UQCC1: variants seen among roughly 807,000 people sequenced by gnomAD.
The protein encoded by UQCC1 is bFGF-repressed Zic-binding protein.
A neutral mutation model predicts 48.0 loss-of-function variants in UQCC1; 38 were observed. The ratio of observed to expected loss-of-function variants is 0.79; its 90% CI spans 0.61 to 1.04. The LOEUF (loss-of-function observed/expected upper bound fraction) is 1.04. Among genes scored for constraint, UQCC1 ranks in the 50% least tolerant of loss-of-function variants. The pLI, the probability that UQCC1 is intolerant of heterozygous loss-of-function variation, is 0.00. For synonymous variants in UQCC1, 111 were observed against 129.2 expected (o/e 0.86, Z 0.95); for missense variants, 368 against 381.8 (o/e 0.96, Z 0.30).
chr20:35,351,891 A>G (rs1353067477), intron 6 of UQCC1, among the ~76,000 whole-genome samples: 3 of 152,252 alleles, frequency 2.0e-5, no homozygotes, highest in Non-Finnish European at 4.4e-5. Flanking sequence ...AATTCACTCA[A>G]TGAACACAGG....
chr20:35,392,249 T>A, intron 2 of UQCC1: 1 of 1,304,390 alleles, frequency 7.7e-7, no homozygotes, highest in African/African-American at 1.5e-5. Context: ...AGGATGCCAT[T>A]CTGAAGCAGA....
intron 7 of UQCC1, among the ~76,000 whole-genome samples, chr20:35,321,363 G>GA (rs767119331): frequency 6.6e-5 from 10 of 151,798 alleles, no homozygotes; most frequent in Non-Finnish European, 1.2e-4. Flanking sequence ...AGAATAAAAA[G>GA]AAAAATATTT....
rs912296976 is a variant in UQCC1 at position 35,359,154 on chromosome 20, T to C, written c.464+7403A>G. Among the ~76,000 whole-genome samples the C allele has an allele frequency of 3.8e-4, 58 of 152,162 alleles. 1 individual carries two copies. The highest frequency in any genetic ancestry group is 3.7e-3 in the Admixed American group (56 of 15,276). On this transcript the variant is annotated intron_variant, in intron 6 of 9. Transcript: ENST00000374385. ...CCTGCCTTATAGAAAATAATAATAA[T>C]GATTACTACCATTTACTATGTTCTG...
chr20:35,375,821 G>A (rs1050133915), intron 4 of UQCC1, among the ~76,000 whole-genome samples: 7 of 152,010 alleles, frequency 4.6e-5, no homozygotes, highest in African/African-American at 1.2e-4. Context: ...GGCCATGGTG[G>A]TGTGTGCCTA....
chr20:35,365,747 T>C (rs996810952), intron 6 of UQCC1, among the ~76,000 whole-genome samples: 1 of 151,126 alleles, frequency 6.6e-6, no homozygotes, highest in Non-Finnish European at 1.5e-5. Context: ...GGAAGAAACA[T>C]TTCAGAGGTG....
At chr20:35,322,523 C>G (rs559256030) in intron 7 of UQCC1, among the ~76,000 whole-genome samples, 1 of 151,996 alleles carries the variant, frequency 6.6e-6, no homozygotes, top group Admixed American at 6.6e-5. Context: ...AACCTGAGGT[C>G]GGGAGTTCGA....
At chr20:35,380,444 T>C (rs1372286839) in intron 4 of UQCC1, among the ~76,000 whole-genome samples, 1 of 152,232 alleles carries the variant, frequency 6.6e-6, no homozygotes, top group East Asian at 1.9e-4. Flanking sequence ...ACTGTTCACT[T>C]TTCAGAATTC....
At position 35,396,378 on chromosome 20, in the gene UQCC1, T is replaced by C. The variant is rs567076131; in HGVS notation, c.25-2182A>G. 2.1e-5 allele frequency among the ~76,000 whole-genome samples: 3 copies of C among 141,594 alleles called. No homozygotes were observed. The Admixed American group carries it at 2.2e-4, about 10-fold the overall frequency. 92.9% of individuals were successfully genotyped at this position (141,594 alleles called of 152,430 possible). A position where few individuals can be genotyped will look rare whatever the true frequency, so the allele number is the denominator to read the frequency against. ...TAGTCATGGTGCTAACATTGCACAC[T>C]ACAGCCTCAAATGCCTGATGCCTGG... is the stretch of plus-strand genomic sequence containing the variant. On this transcript the variant is annotated intron_variant, in intron 1 of 9. Transcript: ENST00000374385.
intron 7 of UQCC1, among the ~76,000 whole-genome samples, chr20:35,343,743 A>C (rs1336489300): frequency 6.6e-6 from 1 of 152,070 alleles, no homozygotes; most frequent in Non-Finnish European, 1.5e-5. Flanking sequence ...ACCACCTAAA[A>C]CCTTGCTATT....
chr20:35,395,506 A>AT (rs1275511374), intron 1 of UQCC1, among the ~76,000 whole-genome samples: 45 of 151,546 alleles, frequency 3.0e-4, no homozygotes, highest in African/African-American at 1.0e-3. Flanking sequence ...CTTATTATAA[A>AT]TAAATAAAAA....
intron 7 of UQCC1, among the ~76,000 whole-genome samples, chr20:35,340,641 T>C (rs1600904162): frequency 6.6e-6 from 1 of 152,164 alleles, no homozygotes; most frequent in Non-Finnish European, 1.5e-5. Flanking sequence ...TGTGCCACCA[T>C]AACCGGCTAA....
At chr20:35,383,243 T>A (rs367721604) in intron 3 of UQCC1, among the ~76,000 whole-genome samples, 80 of 152,292 alleles carry the variant, frequency 5.3e-4, no homozygotes, top group African/African-American at 1.8e-3. Context: ...TGTTCTAATG[T>A]TAACCCTCTC....
At chr20:35,340,655 T>C (rs551391152) in intron 7 of UQCC1, among the ~76,000 whole-genome samples, 1 of 152,344 alleles carries the variant, frequency 6.6e-6, no homozygotes, top group Admixed American at 6.5e-5. Context: ...CGGCTAATTT[T>C]ATTTTTGTAA....
chr20:35,350,742 G>A (rs1185773469), intron 6 of UQCC1, among the ~76,000 whole-genome samples: 2 of 149,026 alleles, frequency 1.3e-5, no homozygotes, highest in African/African-American at 5.0e-5. Context: ...ATTTACTGAT[G>A]TGATTCGAAA....
At chr20:35,403,942 A>G (rs1235252994) in intron 1 of UQCC1, among the ~76,000 whole-genome samples, 1 of 152,152 alleles carries the variant, frequency 6.6e-6, no homozygotes, top group Admixed American at 6.6e-5. Context: ...GGATAGCATT[A>G]AGAGATATAC....
At chr20:35,410,959 A>G (rs1568722797) in intron 1 of UQCC1, among the ~76,000 whole-genome samples, 1 of 151,910 alleles carries the variant, frequency 6.6e-6, no homozygotes, top group Non-Finnish European at 1.5e-5. Flanking sequence ...CTAGGCTGGC[A>G]AGGAATACAA....
At chr20:35,407,289 G>A (rs1207352260) in intron 1 of UQCC1, among the ~76,000 whole-genome samples, 5 of 151,950 alleles carry the variant, frequency 3.3e-5, no homozygotes, top group Admixed American at 1.3e-4. Context: ...TTAGCCAGGT[G>A]TGCTGGTGCA....
chr20:35,395,906 G>A (rs1176216377), intron 1 of UQCC1, among the ~76,000 whole-genome samples: 1 of 151,806 alleles, frequency 6.6e-6, no homozygotes, highest in Non-Finnish European at 1.5e-5. Flanking sequence ...GGCTCCCTCT[G>A]GGAAGAGAAA....
intron 7 of UQCC1, among the ~76,000 whole-genome samples, chr20:35,339,902 T>C (rs1173874477): frequency 2.0e-5 from 3 of 152,102 alleles, no homozygotes; most frequent in Admixed American, 2.0e-4. Context: ...CATCTACACA[T>C]CCTTTTCTTT....
Sources: allele counts gnomAD v4.1 joint callset (sites outside exome capture counted in the v4.1 genomes callset), GRCh38; gene constraint gnomAD v4.1.1; transcripts MANE v1.5; gene names NCBI Gene and HGNC (gene_info 2026-07-23, HGNC 2026-07-21).